VAV3: variants seen among roughly 807,000 people sequenced by gnomAD.
The protein encoded by VAV3 is vav guanine nucleotide exchange factor 3, also known as guanine nucleotide exchange factor VAV3.
VAV3 carries 94 observed loss-of-function variants against 131.2 expected under a neutral mutation model. The ratio of observed to expected loss-of-function variants is 0.72; its 90% confidence interval spans 0.61 to 0.85. VAV3 has a LOEUF of 0.85. Ranked by LOEUF, VAV3 falls within the 40% of genes least tolerant of loss-of-function variation. The pLI is 0.00. For synonymous variants in VAV3, 349 were observed against 342.0 expected (o/e 1.02, Z -0.22); for missense variants, 939 against 1,002.7 (o/e 0.94, Z 0.86).
rs1006092598 is a variant in VAV3, at chr1:107,718,112, A to C, written c.1503-13051T>G. Among the ~76,000 whole-genome samples the C allele has an allele frequency of 5.9e-5, 9 of 152,202 alleles. No homozygotes were observed. In the South Asian group the frequency reaches 1.0e-3, roughly 18 times the overall value. On this transcript the variant is annotated intron_variant, in intron 15 of 26. Coordinates refer to ENST00000370056, the MANE Select transcript of VAV3 (RefSeq NM_006113.5). The stretch of plus-strand genomic sequence containing the variant: ...CACAGCCAATATCATACTGAATGGG[A>C]AAAAACTGGAAGCATTCCCTTTGAA...
At chr1:107,898,061 A>C (rs555900671) in intron 1 of VAV3, among the ~76,000 whole-genome samples, 61 of 152,182 alleles carry the variant, frequency 4.0e-4, no homozygotes, top group South Asian at 6.2e-4. Context: ...AGATAAAAAT[A>C]GGTTTTATTA....
At chr1:107,814,504 G>A (rs1361485318) in intron 2 of VAV3, among the ~76,000 whole-genome samples, 1 of 151,810 alleles carries the variant, frequency 6.6e-6, no homozygotes, top group East Asian at 1.9e-4. Context: ...ACTTACTGTT[G>A]AGTTCCCAGT....
intron 17 of VAV3, among the ~76,000 whole-genome samples, chr1:107,699,757 A>G (rs1422418835): frequency 6.6e-6 from 1 of 151,832 alleles, no homozygotes; most frequent in Non-Finnish European, 1.5e-5. Flanking sequence ...TTAAGTTGTG[A>G]TAACAGATTT....
chr1:107,760,499 G>A (rs192991943), intron 10 of VAV3, among the ~76,000 whole-genome samples: 56 of 152,140 alleles, frequency 3.7e-4, no homozygotes, highest in African/African-American at 1.1e-3. Flanking sequence ...CAGAAGACTT[G>A]GTTGAAAAAA....
intron 2 of VAV3, among the ~76,000 whole-genome samples, chr1:107,795,371 A>G (rs985912332): frequency 1.8e-4 from 27 of 152,222 alleles, no homozygotes; most frequent in African/African-American, 5.3e-4. Context: ...AGGACTATCA[A>G]ACAATGAAAT....
Position 107,708,264 on chromosome 1 carries a change from T to C in VAV3, c.1503-3203A>G, listed in dbSNP as rs141902233. ...TATAGTAAGACAAGCGTGGATATAGTAGGACCAATCATGGGGTTGGGTTGT... is the reference window on the plus strand; with the variant it reads ...TATAGTAAGACAAGCGTGGATATAGCAGGACCAATCATGGGGTTGGGTTGT... On this transcript the variant is annotated intron_variant, in intron 15 of 26. Transcript: ENST00000370056. Among the ~76,000 whole-genome samples the C allele has an allele frequency of 8.9e-4, 136 of 152,288 alleles. 2 individuals are homozygous for C. Among genetic ancestry groups the C allele is most frequent in the Middle Eastern group, 3.4e-3 (1 of 294 alleles).
At chr1:107,823,016 A>T (rs2102365598) in intron 2 of VAV3, among the ~76,000 whole-genome samples, 1 of 152,300 alleles carries the variant, frequency 6.6e-6, no homozygotes, top group East Asian at 1.9e-4. Context: ...AAGTTGATAT[A>T]ATAGGGAAGA....
chr1:107,764,831 A>G (rs1664648294), intron 9 of VAV3, among the ~76,000 whole-genome samples: 1 of 152,180 alleles, frequency 6.6e-6, no homozygotes, highest in South Asian at 2.1e-4. Context: ...TACCTATTTC[A>G]CAGAGTCAGA....
At chr1:107,873,300 T>C (rs544529806) in intron 2 of VAV3, among the ~76,000 whole-genome samples, 214 of 152,290 alleles carry the variant, frequency 1.4e-3, no homozygotes, top group African/African-American at 5.0e-3. Flanking sequence ...AAAGTATTTA[T>C]ATATTTTTCC....
At chr1:107,732,232 C>T (rs1182074634) in intron 15 of VAV3, among the ~76,000 whole-genome samples, 1 of 152,170 alleles carries the variant, frequency 6.6e-6, no homozygotes, top group Admixed American at 6.5e-5. Flanking sequence ...AAATATAAGT[C>T]TTGGGCAGCC....
intron 2 of VAV3, among the ~76,000 whole-genome samples, chr1:107,817,697 G>C (rs886991901): frequency 1.3e-5 from 2 of 152,102 alleles, no homozygotes; most frequent in African/African-American, 4.8e-5. Context: ...GCAAGGAGGA[G>C]AGCCCTTCCC....
At chr1:107,765,223 G>T (rs777942596) in intron 8 of VAV3, 48 bp from the exon 9 acceptor site, 2 of 1,396,816 alleles carry the variant, frequency 1.4e-6, no homozygotes, top group South Asian at 2.3e-5. Flanking sequence ...AACCAAGAAT[G>T]AACTGGAGGG....
chr1:107,904,667 T>C (rs1672019777), intron 1 of VAV3, among the ~76,000 whole-genome samples: 1 of 152,192 alleles, frequency 6.6e-6, no homozygotes, highest in African/African-American at 2.4e-5. Context: ...ATTCAGCAAA[T>C]ATCTGAGTAC....
chr1:107,939,884 A>G (rs888821542), intron 1 of VAV3, among the ~76,000 whole-genome samples: 2 of 152,066 alleles, frequency 1.3e-5, no homozygotes, highest in Admixed American at 1.3e-4. Flanking sequence ...AGCCCAGAGG[A>G]GGAAGAGTAA....
At chr1:107,710,656 T>C (rs950757698) in intron 15 of VAV3, among the ~76,000 whole-genome samples, 1 of 152,164 alleles carries the variant, frequency 6.6e-6, no homozygotes, top group Non-Finnish European at 1.5e-5. Context: ...TAAGTGGCAA[T>C]AAATTACAAT....
At chr1:107,701,800 C>T (rs1660148939) in intron 17 of VAV3, among the ~76,000 whole-genome samples, 1 of 152,154 alleles carries the variant, frequency 6.6e-6, no homozygotes. Context: ...ACCTTTACTC[C>T]AATTCCCAAC....
intron 9 of VAV3, among the ~76,000 whole-genome samples, chr1:107,762,137 C>T (rs1664476764): frequency 6.8e-6 from 1 of 148,058 alleles, no homozygotes; most frequent in African/African-American, 2.5e-5. Flanking sequence ...AAAAAAAGGG[C>T]CATACAAATA....
intron 19 of VAV3, among the ~76,000 whole-genome samples, chr1:107,652,045 G>A (rs1299358919): frequency 6.6e-6 from 1 of 152,104 alleles, no homozygotes; most frequent in African/African-American, 2.4e-5. Context: ...GTAAAATAAG[G>A]CTGACACCTA....
At position 107,888,797 on chromosome 1, in the gene VAV3, T is replaced by C. The variant is rs12079072; in HGVS notation, c.205-13780A>G. Among the ~76,000 whole-genome samples, 629 of 152,246 alleles carry C rather than the reference T, an allele frequency of 4.1e-3. 5 individuals carry two copies. Among genetic ancestry groups the C allele is most frequent in the African/African-American group, 0.014 (591 of 41,540 alleles). ...TTTGAAACAAAATTATTCTCATATATATCAGTCACTGTTTCTCTGTACTAA... is the reference window on the plus strand; with the variant it reads ...TTTGAAACAAAATTATTCTCATATACATCAGTCACTGTTTCTCTGTACTAA... On this transcript the variant is annotated intron_variant, in intron 1 of 26. Coordinates refer to ENST00000370056, the MANE Select transcript of VAV3 (RefSeq NM_006113.5).
Sources: allele counts gnomAD v4.1 joint callset (sites outside exome capture counted in the v4.1 genomes callset), GRCh38; gene constraint gnomAD v4.1.1; transcripts MANE v1.5; gene names NCBI Gene and HGNC (gene_info 2026-07-23, HGNC 2026-07-21).